Variants in GALNT16 observed in about 807,000 individuals in gnomAD.
The protein encoded by GALNT16 is UDP-GalNAc:polypeptide N-acetylgalactosaminyltransferase-like protein 1.
Under a neutral mutation model 76.1 loss-of-function variants are expected in GALNT16, and 40 were observed. That is an observed-to-expected ratio of 0.53 (90% CI 0.41 to 0.68). The LOEUF is 0.68. Ranked by LOEUF, GALNT16 falls within the 30% of genes least tolerant of loss-of-function variation. The pLI is 0.00. For missense variants in GALNT16, 621 were observed against 731.9 expected (o/e 0.85, Z 1.75); for synonymous variants, 276 against 285.2 (o/e 0.97, Z 0.32).
At chr14:69,302,704 T>C (rs1424972996) in intron 1 of GALNT16, among the ~76,000 whole-genome samples, 2 of 152,194 alleles carry the variant, frequency 1.3e-5, no homozygotes, top group Non-Finnish European at 2.9e-5. Context: ...ACATATAGGG[T>C]GACCAGATTT....
chr14:69,265,927 A>C (rs2044337123), intron 1 of GALNT16, among the ~76,000 whole-genome samples: 2 of 152,312 alleles, frequency 1.3e-5, no homozygotes, highest in South Asian at 2.1e-4. Flanking sequence ...TGGTGATGAC[A>C]TTCGTTGGAG....
chr14:69,302,865 A>G (rs1362955200), intron 1 of GALNT16, among the ~76,000 whole-genome samples: 1 of 152,236 alleles, frequency 6.6e-6, no homozygotes, highest in Non-Finnish European at 1.5e-5. Flanking sequence ...TTACAGCAAT[A>G]TTTGAGACAT....
In GALNT16 at chr14:69,325,410, T is replaced by C. The variant is rs747779656; in HGVS notation, c.502+6T>C. On this transcript the variant is annotated splice_donor_region_variant and intron_variant, in intron 4 of 14. Coordinates refer to ENST00000448469, the MANE Select transcript of GALNT16 (RefSeq NM_001168368.2). ...GGATGACTTCAGCTCAGATCGTGAG[T>C]AGTCACCTTCCTTTTTGCAGCCCTC... The C allele has an allele frequency of 1.3e-6, 2 of 1,542,662 alleles. No homozygotes were observed. Among genetic ancestry groups the C allele is most frequent in the Non-Finnish European group, 1.8e-6 (2 of 1,114,812 alleles).
the GALNT16 span, among the ~76,000 whole-genome samples, chr14:69,377,062 C>T: frequency 6.6e-6 from 1 of 152,156 alleles, no homozygotes; most frequent in African/African-American, 2.4e-5. Flanking sequence ...GGAATACTCC[C>T]GTGGAAGAGA....
At chr14:69,335,604 G>A (rs571357238) in intron 9 of GALNT16, among the ~76,000 whole-genome samples, 1 of 152,200 alleles carries the variant, frequency 6.6e-6, no homozygotes, top group East Asian at 1.9e-4. Context: ...TGAGGCAAGG[G>A]CTCCGTGGTT....
chr14:69,348,052 G>A (rs368904445), intron 14 of GALNT16, 50 bp downstream of exon 14: 20 of 1,597,530 alleles, frequency 1.3e-5, no homozygotes, highest in Non-Finnish European at 1.6e-5. Context: ...GAGGGGCCAT[G>A]CCTCAGGGTG....
At position 69,320,729 on chromosome 14, in the gene GALNT16, A is replaced by G. The variant is rs1361424368; in HGVS notation, c.196A>G (p.Lys66Glu). 21 of 1,613,948 alleles carry G rather than the reference A, an allele frequency of 1.3e-5. No individual in the cohort carries two copies. Among genetic ancestry groups the G allele is most frequent in the Non-Finnish European group, 1.8e-5 (21 of 1,179,928 alleles). ...IPLIVTGTPS[K>E]GFDEKAYLSA... ...ATCTCAGGTGACAGGAACTCCCTCG[A>G]AAGGCTTTGATGAGAAGGCCTACCT... The change falls in exon 2 of 15, where the codon AAA (lysine) becomes GAA (glutamate). Residue 66 changes from lysine (K) to glutamate (E), a missense_variant. Lys to Glu is a moderately conservative substitution (Grantham distance 56, BLOSUM62 1). Coordinates refer to ENST00000448469, the MANE Select transcript of GALNT16 (RefSeq NM_001168368.2).
Position 69,296,743 on chromosome 14 carries a change from TAGATAGATAGATAGATAGATAGATAGAC to T in GALNT16, c.178-23959_178-23932del, listed in dbSNP as rs1401279252. 1.1e-3 allele frequency among the ~76,000 whole-genome samples: 158 copies of T among 150,470 alleles called. 1 individual carries two copies. Among genetic ancestry groups the T allele is most frequent in the African/African-American group, 3.8e-3 (153 of 40,698 alleles). ...GACAGATAGATGATAGATAGATAGA[TAGATAGATAGATAGATAGATAGATAGAC>T]AGATAGATGATAGAGATAGACAGAC... On this transcript the variant is annotated intron_variant, in intron 1 of 14. Transcript: ENST00000448469.
intron 1 of GALNT16, among the ~76,000 whole-genome samples, chr14:69,269,965 A>T (rs1206526665): frequency 2.0e-5 from 3 of 151,766 alleles, no homozygotes; most frequent in African/African-American, 7.3e-5. Flanking sequence ...CTCTGTCTGG[A>T]GGGAGAGTTT....
At chr14:69,323,297 G>A (rs1223907494) in intron 2 of GALNT16, among the ~76,000 whole-genome samples, 1 of 152,178 alleles carries the variant, frequency 6.6e-6, no homozygotes. Context: ...GAGGCTCCTG[G>A]CTCCTGGGAG....
At chr14:69,278,652 T>C (rs1053970610) in intron 1 of GALNT16, among the ~76,000 whole-genome samples, 2 of 152,220 alleles carry the variant, frequency 1.3e-5, no homozygotes, top group African/African-American at 2.4e-5. Context: ...TAGATTAGGT[T>C]GGACTATATA....
chr14:69,323,487 T>C (rs889764011), intron 2 of GALNT16, among the ~76,000 whole-genome samples: 1 of 152,120 alleles, frequency 6.6e-6, no homozygotes, highest in Non-Finnish European at 1.5e-5. Flanking sequence ...GGTTGGGGGA[T>C]CAGGACAGAG....
chr14:69,264,916 C>T (rs1566856817), intron 1 of GALNT16, among the ~76,000 whole-genome samples: 1 of 148,290 alleles, frequency 6.7e-6, no homozygotes, highest in African/African-American at 2.5e-5. Flanking sequence ...TGGGCTCAAG[C>T]GATTCCCCTG....
the GALNT16 span, among the ~76,000 whole-genome samples, chr14:69,368,033 C>G: frequency 1.1e-4 from 17 of 151,964 alleles, no homozygotes; most frequent in East Asian, 2.3e-3. Flanking sequence ...GAAAGAATGG[C>G]AAGAAAGTGA....
At chr14:69,380,372 G>T in the GALNT16 span, 2 of 437,990 alleles carry the variant, frequency 4.6e-6, no homozygotes, top group Admixed American at 3.8e-5. Context: ...AGGTAACGGG[G>T]GTTTCCGATT....
intron 1 of GALNT16, among the ~76,000 whole-genome samples, chr14:69,309,301 CTTT>C (rs531638001): frequency 1.4e-5 from 2 of 141,724 alleles, no homozygotes; most frequent in Non-Finnish European, 1.6e-5. Context: ...TCTTTTCCTT[CTTT>C]TTTTTTTTTT....
chr14:69,311,525 C>T (rs2045020195), intron 1 of GALNT16, among the ~76,000 whole-genome samples: 1 of 152,224 alleles, frequency 6.6e-6, no homozygotes, highest in Admixed American at 6.5e-5. Context: ...TCCCCTCTCC[C>T]TTTTCCTTAC....
intron 6 of GALNT16, 75 bp downstream of exon 6, chr14:69,328,646 G>T: frequency 6.7e-7 from 1 of 1,488,590 alleles, no homozygotes. Flanking sequence ...AGGCCTATGG[G>T]ACAGTATTTG....
At position 69,331,551 on chromosome 14, in the gene GALNT16, G is replaced by A. The variant is rs769403191; in HGVS notation, c.778G>A (p.Gly260Arg). ...YLAASADLRG[G>R]FDWSLHFKWE... is the part of the protein sequence containing the mutation. ...TGCAGCATCTGCTGACCTTCGTGGA[G>A]GTGAGTTCTGCTCCCGGGGGTGGGG... The change falls in exon 7 of 15, where the codon GGG becomes AGG. Residue 260 changes from glycine (G) to arginine (R), a missense_variant and splice_region_variant. Coordinates refer to ENST00000448469, the MANE Select transcript of GALNT16 (RefSeq NM_001168368.2). The A allele has an allele frequency of 1.1e-5, 18 of 1,577,264 alleles. No homozygotes were observed. The highest frequency in any genetic ancestry group is 1.6e-5 in the Non-Finnish European group (18 of 1,146,566).
Sources: allele counts gnomAD v4.1 joint callset (sites outside exome capture counted in the v4.1 genomes callset), GRCh38; gene constraint gnomAD v4.1.1; transcripts MANE v1.5; gene names NCBI Gene and HGNC (gene_info 2026-07-23, HGNC 2026-07-21).